The following RUBCN variants were observed in gnomAD, a reference collection of about 807,000 sequenced individuals.
RUBCN encodes rubicon autophagy regulator, also known as run domain Beclin-1-interacting and cysteine-rich domain-containing protein.
RUBCN carries 74 observed loss-of-function variants against 113.2 expected under a neutral mutation model. That is an observed-to-expected ratio of 0.65 (90% CI 0.54 to 0.79). RUBCN has a LOEUF of 0.79. RUBCN is among the 30% of genes least tolerant of loss of function. The pLI is 0.00. For synonymous variants in RUBCN, 480 were observed against 490.0 expected, an observed-to-expected ratio of 0.98 and a Z score of 0.27; for missense variants, 1,109 against 1,251.7, an observed-to-expected ratio of 0.89 and a Z score of 1.72.
intron 11 of RUBCN, among the ~76,000 whole-genome samples, chr3:197,686,264 T>G (rs1490715603): frequency 6.6e-6 from 1 of 152,182 alleles, no homozygotes; most frequent in Non-Finnish European, 1.5e-5. Flanking sequence ...TTTTTTCCTT[T>G]GAGAGAAAAA....
chr3:197,711,864 TG>T (rs1270892608), intron 2 of RUBCN, among the ~76,000 whole-genome samples: 6 of 152,206 alleles, frequency 3.9e-5, no homozygotes, highest in Non-Finnish European at 5.9e-5. Context: ...ACAACCTTAA[TG>T]TTTTTTTTAA....
chr3:197,709,358 G>A (rs1056623663), intron 2 of RUBCN, among the ~76,000 whole-genome samples: 4 of 151,914 alleles, frequency 2.6e-5, no homozygotes, highest in African/African-American at 7.2e-5. Flanking sequence ...GGAACTACCC[G>A]CTACCATAAT....
intron 1 of RUBCN, among the ~76,000 whole-genome samples, chr3:197,742,001 G>A (rs1001312591): frequency 3.3e-5 from 5 of 150,862 alleles, no homozygotes; most frequent in African/African-American, 1.2e-4. Flanking sequence ...AGGTTCAAGC[G>A]ATTCTCCTGC....
intron 1 of RUBCN, chr3:197,748,060 T>G (rs1438474857): frequency 6.6e-6 from 1 of 152,052 alleles, no homozygotes; most frequent in Non-Finnish European, 1.5e-5. Context: ...GCCTCCCAAG[T>G]AGCTGAGATT....
intron 11 of RUBCN, among the ~76,000 whole-genome samples, chr3:197,685,146 T>C (rs1423289446): frequency 2.0e-5 from 3 of 152,190 alleles, no homozygotes; most frequent in Non-Finnish European, 4.4e-5. Context: ...CTAATAATGA[T>C]ATGCTGAACC....
chr3:197,734,410 GAAA>G (rs113117461), intron 1 of RUBCN, among the ~76,000 whole-genome samples: 2 of 129,696 alleles, frequency 1.5e-5, no homozygotes, highest in African/African-American at 5.5e-5. Context: ...TCTAAAAAAA[GAAA>G]AAAAAAAAAA....
At chr3:197,746,429 G>T (rs1438895223) in intron 1 of RUBCN, among the ~76,000 whole-genome samples, 3 of 152,170 alleles carry the variant, frequency 2.0e-5, no homozygotes, top group Non-Finnish European at 2.9e-5. Context: ...GGAAAAAGCA[G>T]AAGTTACAAC....
At chr3:197,734,843 A>C (rs1361580738) in intron 1 of RUBCN, among the ~76,000 whole-genome samples, 1 of 152,214 alleles carries the variant, frequency 6.6e-6, no homozygotes, top group Non-Finnish European at 1.5e-5. Flanking sequence ...AAGGGAAGTA[A>C]GATGTTCAGT....
intron 1 of RUBCN, among the ~76,000 whole-genome samples, chr3:197,735,214 T>C (rs1297649762): frequency 6.6e-6 from 1 of 152,132 alleles, no homozygotes; most frequent in Non-Finnish European, 1.5e-5. Flanking sequence ...CTGGGCAATA[T>C]GGTGAGACCC....
In RUBCN at chr3:197,675,102, C is replaced by G; in HGVS notation, c.2835G>C (p.Gln945His). 1 of 1,613,432 alleles carries G rather than the reference C, an allele frequency of 6.2e-7. No individual in the cohort carries two copies. Among genetic ancestry groups the G allele is most frequent in the Non-Finnish European group, 8.5e-7 (1 of 1,179,978 alleles). Residue 945 changes from glutamine (Q) to histidine (H), a missense_variant, in exon 20 of 20, where the codon CAG (glutamine) becomes CAC (histidine). Transcript: ENST00000296343. This position sits in a 1 kb window ranked among gnomAD's most constrained non-coding sequence, Gnocchi z 4.4. ...AGTCTGACAGGTAAGACTCCAGGCTCTGCCTGGCCAGTGCCTCCCGCCGGG... is the reference window on the plus strand; with the variant it reads ...AGTCTGACAGGTAAGACTCCAGGCTGTGCCTGGCCAGTGCCTCCCGCCGGG... ...LQARREALAR[Q>H]SLESYLSDYE...
upstream of RUBCN, among the ~76,000 whole-genome samples, chr3:197,741,799 T>C (rs1299675917): frequency 6.6e-6 from 1 of 150,618 alleles, no homozygotes; most frequent in Non-Finnish European, 1.5e-5. Flanking sequence ...CTCCAGAGAT[T>C]GCACCACTGC....
At chr3:197,737,200 T>A, upstream of RUBCN, 1 of 176,852 alleles carries the variant, frequency 5.7e-6, no homozygotes, top group South Asian at 1.1e-4. Context: ...TTCACCCCCG[T>A]GACATTACAC....
At chr3:197,730,885 C>CCT (rs1727360221) in intron 1 of RUBCN, among the ~76,000 whole-genome samples, 1 of 49,996 alleles carries the variant, frequency 2.0e-5, no homozygotes, top group Admixed American at 3.0e-4. Context: ...TTAAAAGCAT[C>CCT]TTTTTTTTTT....
At chr3:197,706,402 G>T (rs1022977128) in intron 2 of RUBCN, among the ~76,000 whole-genome samples, 1 of 152,142 alleles carries the variant, frequency 6.6e-6, no homozygotes, top group African/African-American at 2.4e-5. Context: ...GACAGACCAG[G>T]CCAGGCACGA....
At chr3:197,742,983 G>A (rs545840024) in intron 1 of RUBCN, among the ~76,000 whole-genome samples, 1 of 152,302 alleles carries the variant, frequency 6.6e-6, no homozygotes, top group East Asian at 1.9e-4. Flanking sequence ...CCTAGGGAGG[G>A]CAAGGCCTAA....
At chr3:197,734,805 T>C (rs892357430) in intron 1 of RUBCN, among the ~76,000 whole-genome samples, 7 of 152,122 alleles carry the variant, frequency 4.6e-5, no homozygotes, top group African/African-American at 1.4e-4. Flanking sequence ...AATAGTCAAA[T>C]AGGCAAAGCA....
intron 2 of RUBCN, among the ~76,000 whole-genome samples, chr3:197,716,727 T>G (rs1339703936): frequency 6.6e-6 from 1 of 152,036 alleles, no homozygotes; most frequent in African/African-American, 2.4e-5. Context: ...GGATTGTCCA[T>G]GTGGGCCCAG....
Position 197,682,037 on chromosome 3 carries a change from A to G in RUBCN, c.2127-138T>C, listed in dbSNP as rs2108851036. 6.8e-6 allele frequency: 5 copies of G among 739,094 alleles called. No homozygotes were observed. The East Asian group carries it at 1.4e-4, about 20-fold the overall frequency. The allele number at this position is 739,094 out of a possible 1,614,324, so 45.8% of individuals were successfully genotyped here. A position where few individuals can be genotyped will look rare whatever the true frequency, so the allele number is the denominator to read the frequency against. On this transcript the variant is annotated intron_variant, in intron 14 of 19. Transcript: ENST00000296343. ...GAATTCACCTACATTTTAGTTGGAC[A>G]AAAATGAACCTATTGGGAGAGCTAA...
intron 1 of RUBCN, among the ~76,000 whole-genome samples, chr3:197,721,863 T>TTG (rs1262616070): frequency 6.6e-6 from 1 of 152,234 alleles, no homozygotes; most frequent in African/African-American, 2.4e-5. Context: ...CAGGAGCATG[T>TTG]TGTTTAATTT....
Sources: gnomAD v4.1 joint callset for allele counts (sites outside exome capture counted in the v4.1 genomes callset) on GRCh38, gnomAD v4.1.1 for gene constraint, Gnocchi (gnomAD v3.1) non-coding constraint, MANE v1.5 for transcripts, NCBI Gene and HGNC (gene_info 2026-07-23, HGNC 2026-07-21) for gene names.